ECHDC3: variants seen among roughly 807,000 people sequenced by gnomAD.
ECHDC3 encodes enoyl-CoA hydratase domain containing 3.
A neutral mutation model predicts 17.9 loss-of-function variants in ECHDC3; 20 were observed. The ratio of observed to expected loss-of-function variants is 1.12; its 90% CI spans 0.79 to 1.63. ECHDC3 has a LOEUF of 1.63. Ranked by LOEUF, ECHDC3 falls within the 40% of genes most tolerant of loss-of-function variation. ECHDC3 has a pLI of 0.00. For missense variants in ECHDC3, 407 were observed against 357.7 expected (o/e 1.14, Z -1.11); for synonymous variants, 177 against 149.7 (o/e 1.18, Z -1.33).
In ECHDC3 at chr10:11,742,611, C is replaced by G; in HGVS notation, c.35C>G (p.Ala12Gly). 7.7e-7 allele frequency: 1 copy of G among 1,300,178 alleles called. No individual in the cohort carries two copies. The highest frequency in any genetic ancestry group is 9.8e-7 in the Non-Finnish European group (1 of 1,025,020). The allele number at this position is 1,300,178 out of a possible 1,614,324, so 80.5% of individuals were successfully genotyped here. ...AAVAVLRAFG[A>G]SGPMCLRRGP... ...GTCGCCGTCTTGCGGGCCTTCGGGG[C>G]AAGTGGGCCCATGTGTCTCCGGCGC... is the stretch of plus-strand genomic sequence containing the variant. The change falls in exon 1 of 5, where the codon GCA becomes GGA. Residue 12 changes from alanine to glycine, a missense_variant. Transcript: ENST00000379215.
At chr10:11,746,917 C>T (rs1832767583) in intron 1 of ECHDC3, among the ~76,000 whole-genome samples, 1 of 152,132 alleles carries the variant, frequency 6.6e-6, no homozygotes, top group Non-Finnish European at 1.5e-5. Context: ...TCATTCTGGG[C>T]TCGTTTTCTA....
chr10:11,747,279 C>T (rs748245869), intron 1 of ECHDC3, 70 bp from the exon 2 acceptor site: 26 of 1,577,362 alleles, frequency 1.6e-5, no homozygotes, highest in Non-Finnish European at 2.2e-5. Flanking sequence ...CTAAATTAGA[C>T]AGGAATCGCA....
chr10:11,742,681 G>T lies in ECHDC3; in HGVS notation c.105G>T (p.Pro35=). The T allele has an allele frequency of 8.0e-7, 1 of 1,244,206 alleles. No homozygotes were observed. Among genetic ancestry groups the T allele is most frequent in the South Asian group, 3.3e-5 (1 of 29,902 alleles). 77.1% of individuals were successfully genotyped at this position (1,244,206 alleles called of 1,614,324 possible). A position where few individuals can be genotyped will look rare whatever the true frequency, so the allele number is the denominator to read the frequency against. Residue 35 remains proline, a synonymous_variant, in exon 1 of 5, where the codon CCG becomes CCT. Coordinates refer to ENST00000379215, the MANE Select transcript of ECHDC3 (RefSeq NM_024693.5). ...CCGCCCGCTTCTGCAGCCGGGACCC[G>T]GCCGGGGCGGGGCGGCGGGAGTCGG... ...QLPARFCSRD[P]AGAGRRESEP... is the part of the protein sequence containing the mutation.
At chr10:11,751,948 T>C (rs1251521529) in intron 3 of ECHDC3, among the ~76,000 whole-genome samples, 2 of 152,210 alleles carry the variant, frequency 1.3e-5, no homozygotes, top group South Asian at 2.1e-4. Flanking sequence ...GAGTTCTATT[T>C]ATGTCACATT....
intron 4 of ECHDC3, among the ~76,000 whole-genome samples, chr10:11,760,940 C>T (rs1023227812): frequency 6.6e-5 from 10 of 152,220 alleles, no homozygotes; most frequent in African/African-American, 2.2e-4. Flanking sequence ...GCCCTGGAAC[C>T]CCCATAGCTG....
At position 11,755,550 on chromosome 10, in the gene ECHDC3, A is replaced by AG. The variant is rs567575504; in HGVS notation, c.533_534insG (p.Asn178LysfsTer19). On this transcript the variant is annotated frameshift_variant, in exon 4 of 5. Coordinates refer to ENST00000379215, the MANE Select transcript of ECHDC3 (RefSeq NM_024693.5). LOFTEE classifies it high-confidence loss of function. ...TCCTCTTTTGCCACTCCTGGGGTGA[A>AG]CGTCGGGCTCTTCTGTTCTACCCCT... 3 of 1,614,056 alleles carry AG rather than the reference A, an allele frequency of 1.9e-6. No homozygotes were observed. The highest frequency in any genetic ancestry group is 2.2e-5 in the South Asian group (2 of 91,054).
At chr10:11,753,226 CA>C (rs35238709) in intron 3 of ECHDC3, among the ~76,000 whole-genome samples, 141,680 of 151,776 alleles carry the variant, frequency 0.93, 66,970 homozygotes, top group East Asian at 1. Flanking sequence ...ACTAAAAATA[CA>C]AAAAAGTTAG....
intron 4 of ECHDC3, among the ~76,000 whole-genome samples, chr10:11,761,999 AAGGCCGTGGGGTCACTTGTGCCC>A (rs1396939126): frequency 1.3e-5 from 2 of 152,082 alleles, no homozygotes; most frequent in African/African-American, 4.8e-5. Context: ...TTAAGAGGCC[AAGGCCGTGGGGTCACTTGTGCCC>A]AGGAGTTCAA....
intron 3 of ECHDC3, among the ~76,000 whole-genome samples, chr10:11,751,502 A>G (rs779201360): frequency 3.9e-5 from 6 of 152,252 alleles, no homozygotes; most frequent in Non-Finnish European, 8.8e-5. Flanking sequence ...TCAACAGCAG[A>G]TTGGAACAGA....
chr10:11,759,351 T>C (rs1832918706), intron 4 of ECHDC3, among the ~76,000 whole-genome samples: 1 of 97,200 alleles, frequency 1.0e-5, no homozygotes, highest in African/African-American at 3.8e-5. Context: ...CAAAACTCCA[T>C]CTCTTAAAAA....
chr10:11,748,147 A>G (rs140399173), intron 2 of ECHDC3, among the ~76,000 whole-genome samples: 1 of 152,328 alleles, frequency 6.6e-6, no homozygotes, highest in East Asian at 1.9e-4. Flanking sequence ...TTATATGGTG[A>G]AGAGAAAAGA....
At position 11,742,745 on chromosome 10, in the gene ECHDC3, A is replaced by G; in HGVS notation, c.169A>G (p.Arg57Gly). ...CAGCGCGCGGCAGCTGGACGGCATA[A>G]GGTCAGCCCCGGGCCGCGCGGGCTC... is the stretch of plus-strand genomic sequence containing the variant. ...PTSARQLDGI[R>G]NIVLSNPKKR... is the part of the protein sequence containing the mutation. The change falls in exon 1 of 5, where the codon AGG becomes GGG. Residue 57 changes from arginine (R) to glycine (G), a missense_variant and splice_region_variant. By Grantham distance (125) the Arg-to-Gly change is moderately radical (BLOSUM62 -2). Coordinates refer to ENST00000379215, the MANE Select transcript of ECHDC3 (RefSeq NM_024693.5). 1 of 1,230,854 alleles carries G rather than the reference A, an allele frequency of 8.1e-7. No individual in the cohort carries two copies. The highest frequency in any genetic ancestry group is 1.0e-6 in the Non-Finnish European group (1 of 986,974). The allele number at this position is 1,230,854 out of a possible 1,614,324, so 76.2% of individuals were successfully genotyped here.
In ECHDC3 at chr10:11,758,154, A is replaced by G. The variant is rs1832905225; in HGVS notation, c.591+2546A>G. Among the ~76,000 whole-genome samples, 7 of 152,338 alleles carry G rather than the reference A, an allele frequency of 4.6e-5. No individual in the cohort carries two copies. In the South Asian group the frequency reaches 1.4e-3, roughly 32 times the overall value. Reference sequence around the variant, plus strand: ...TTGGCTGTGCTGGAGACTGGGGCAGAAACTATGCAATCAAGCCTGTCTGTT... The same window carrying G: ...TTGGCTGTGCTGGAGACTGGGGCAGGAACTATGCAATCAAGCCTGTCTGTT... On this transcript the variant is annotated intron_variant, in intron 4 of 4. Transcript: ENST00000379215.
chr10:11,747,457 CATT>C lies in ECHDC3; in HGVS notation c.282_284del (p.Ile96del), dbSNP rs560907810. ...ACGCTGACAGCAACGATCTGAAAGT[CATT>C]ATCATCTCGGGTATGTATCTGATAT... On this transcript the variant is annotated inframe_deletion, in exon 2 of 5. Transcript: ENST00000379215. 78 of 1,613,846 alleles carry C rather than the reference CATT, an allele frequency of 4.8e-5. 1 individual carries two copies. In the South Asian group the frequency reaches 8.0e-4, roughly 17 times the overall value.
At position 11,763,468 on chromosome 10, in the gene ECHDC3, C is replaced by T. The variant is rs1417615655; in HGVS notation, c.836C>T (p.Ala279Val). Residue 279 changes from alanine (A) to valine (V), a missense_variant, in exon 5 of 5, where the codon GCC becomes GTC. Ala to Val is a moderately conservative substitution (Grantham distance 64). Transcript: ENST00000379215. The surrounding 1 kb of genome is among the most constrained non-coding windows in gnomAD (Gnocchi z 4.9). ...LTSQAMVDNL[A>V]LRDGQEGITA... ...TCCCAGGCCATGGTGGACAACCTGG[C>T]CCTGCGGGACGGGCAGGAGGGCATC... The T allele has an allele frequency of 9.8e-6, 10 of 1,025,260 alleles. No individual in the cohort carries two copies. Among genetic ancestry groups the T allele is most frequent in the Non-Finnish European group, 1.4e-5 (9 of 655,286 alleles). 63.5% of individuals were successfully genotyped at this position (1,025,260 alleles called of 1,614,324 possible).
chr10:11,749,399 G>A, intron 2 of ECHDC3, 96 bp from the exon 3 acceptor site: 1 of 1,135,618 alleles, frequency 8.8e-7, no homozygotes, highest in Non-Finnish European at 1.3e-6. Flanking sequence ...GTGAAAGTTT[G>A]CTGAAGTTAT....
chr10:11,757,755 T>C (rs529023526), intron 4 of ECHDC3, among the ~76,000 whole-genome samples: 2 of 152,328 alleles, frequency 1.3e-5, no homozygotes, highest in South Asian at 2.1e-4. Flanking sequence ...ATCACAGTAC[T>C]GATAATGGGA....
At chr10:11,746,960 G>A (rs1832768124) in intron 1 of ECHDC3, among the ~76,000 whole-genome samples, 2 of 152,214 alleles carry the variant, frequency 1.3e-5, no homozygotes, top group Non-Finnish European at 2.9e-5. Context: ...AAAGAAAGCA[G>A]TGGAAGGTAG....
chr10:11,742,490 C>G lies in ECHDC3; in HGVS notation c.-87C>G. ...GAGTTCCGTCGAGTTCCGTCCCGGC[C>G]CTGCTCACAGCAGCGCCCTCGGAGC... On this transcript the variant is annotated 5_prime_UTR_variant, in exon 1 of 5. Coordinates refer to ENST00000379215, the MANE Select transcript of ECHDC3 (RefSeq NM_024693.5). 1 of 1,190,684 alleles carries G rather than the reference C, an allele frequency of 8.4e-7. No individual in the cohort carries two copies. 73.8% of individuals were successfully genotyped at this position (1,190,684 alleles called of 1,614,324 possible). A position where few individuals can be genotyped will look rare whatever the true frequency, so the allele number is the denominator to read the frequency against.
Sources: allele counts gnomAD v4.1 joint callset (sites outside exome capture counted in the v4.1 genomes callset), GRCh38; gene constraint gnomAD v4.1.1; non-coding constraint Gnocchi (gnomAD v3.1); transcripts MANE v1.5; gene names NCBI Gene and HGNC (gene_info 2026-07-23, HGNC 2026-07-21).